The following MTAP variants were observed in gnomAD, a reference collection of about 807,000 sequenced individuals.
The protein encoded by MTAP is methylthioadenosine phosphorylase.
Under a neutral mutation model 33.6 loss-of-function variants are expected in MTAP, and 33 were observed. That is an observed-to-expected ratio of 0.98 (90% CI 0.74 to 1.31). The LOEUF is 1.31. Among genes scored for constraint, MTAP ranks in the 40% most tolerant of loss-of-function variants. The probability of loss-of-function intolerance (pLI) is 0.00; values close to 1 mark genes in which losing one functional copy is unlikely to be tolerated. For synonymous variants in MTAP, 148 were observed against 125.7 expected (o/e 1.18, Z -1.19); for missense variants, 367 against 360.0 (o/e 1.02, Z -0.16).
Position 21,922,020 on chromosome 9 carries a change from G to A in MTAP, c.148-8988G>A, listed in dbSNP as rs1196971523. 6.6e-6 allele frequency among the ~76,000 whole-genome samples: 1 copy of A among 152,048 alleles called. No individual in the cohort carries two copies. Among genetic ancestry groups the A allele is most frequent in the African/African-American group, 2.4e-5 (1 of 41,398 alleles). On this transcript the variant is annotated intron_variant, in intron 1 of 1. Coordinates refer to the MTAP transcript ENST00000577563. This position sits in a 1 kb window ranked among gnomAD's most constrained non-coding sequence, Gnocchi z 4.8. ...AGTCTTTTTAAAATAATAATTGGTT[G>A]CAGTCAGTGCCAGAGAAAGGCAGTC...
At chr9:21,915,084 C>CCTTT (rs1554649256) in intron 1 of MTAP, among the ~76,000 whole-genome samples, 3 of 72,408 alleles carry the variant, frequency 4.1e-5, no homozygotes, top group Non-Finnish European at 6.7e-5. Context: ...TTCTTTCTTT[C>CCTTT]CTTTCTTTCT....
rs1295350372 is a variant in MTAP, at chr9:21,859,292, T to C, written c.691-11T>C. The C allele has an allele frequency of 6.2e-7, 1 of 1,602,324 alleles. No homozygotes were observed. Among genetic ancestry groups the C allele is most frequent in the Non-Finnish European group, 8.5e-7 (1 of 1,176,662 alleles). ...AAGTTCTAGTAACCTCCAGTGCTATTGTTTCTCTAGGTTTCGGTGGACCGG... is the reference window on the plus strand; with the variant it reads ...AAGTTCTAGTAACCTCCAGTGCTATCGTTTCTCTAGGTTTCGGTGGACCGG... On this transcript the variant is annotated splice_polypyrimidine_tract_variant and intron_variant, in intron 6 of 7. Transcript: ENST00000644715.
intron 1 of MTAP, among the ~76,000 whole-genome samples, chr9:21,929,043 G>GAAGGT (rs1034105648): frequency 6.6e-6 from 1 of 152,020 alleles, no homozygotes; most frequent in Non-Finnish European, 1.5e-5. Flanking sequence ...TTAAAGCTTG[G>GAAGGT]AAGGTTGAAA....
intron 4 of MTAP, among the ~76,000 whole-genome samples, chr9:21,823,265 A>G (rs1036002840): frequency 6.6e-6 from 1 of 152,014 alleles, no homozygotes; most frequent in Non-Finnish European, 1.5e-5. Flanking sequence ...AGTGGCTGGT[A>G]CCAGTTGTTC....
chr9:21,840,331 G>A (rs760012833), intron 5 of MTAP, among the ~76,000 whole-genome samples: 2 of 152,172 alleles, frequency 1.3e-5, no homozygotes, highest in African/African-American at 2.4e-5. Context: ...ACCACTGTAG[G>A]AACTTACCGG....
chr9:21,864,494 A>C lies in MTAP; in HGVS notation c.*2480A>C. 1.0e-6 allele frequency: 1 copy of C among 985,408 alleles called. No homozygotes were observed. The highest frequency in any genetic ancestry group is 1.2e-6 in the Non-Finnish European group (1 of 829,932). The allele number at this position is 985,408 out of a possible 1,614,324, so 61.0% of individuals were successfully genotyped here. ...AGCCCTTAGTGATTAATAGATTTGC[A>C]TGTACATAGAAGTCTTTGTTGGCCT... On this transcript the variant is annotated 3_prime_UTR_variant, in exon 8 of 8. Coordinates refer to ENST00000644715, the MANE Select transcript of MTAP (RefSeq NM_002451.4).
chr9:21,924,426 G>A (rs967311721), intron 1 of MTAP, among the ~76,000 whole-genome samples: 1 of 152,192 alleles, frequency 6.6e-6, no homozygotes, highest in African/African-American at 2.4e-5. Context: ...ACCAGAAAGT[G>A]GAAGCATAAA....
chr9:21,923,441 C>A (rs111505462), intron 1 of MTAP, among the ~76,000 whole-genome samples: 3 of 152,162 alleles, frequency 2.0e-5, no homozygotes, highest in Non-Finnish European at 2.9e-5. Flanking sequence ...TTATCCCAAG[C>A]TCCGAGTTCT....
chr9:21,915,010 TCCTTCCTTCCTTCCTTCCTTCCTTCC>T (rs1818655768), intron 1 of MTAP, among the ~76,000 whole-genome samples: 5 of 74,468 alleles, frequency 6.7e-5, no homozygotes, highest in African/African-American at 4.1e-4. Flanking sequence ...TTTCCTTCCT[TCCTTCCTTCCTTCCTTCCTTCCTTCC>T]TTCCTTCCTT....
At chr9:21,906,370 G>A (rs1475105183) in intron 1 of MTAP, among the ~76,000 whole-genome samples, 2 of 152,116 alleles carry the variant, frequency 1.3e-5, no homozygotes, top group African/African-American at 4.8e-5. Context: ...TCATTGAAAG[G>A]GTTAAACGTC....
At chr9:21,861,745 C>G (rs966941957) in intron 7 of MTAP, 29 of 557,690 alleles carry the variant, frequency 5.2e-5, no homozygotes, top group African/African-American at 7.6e-5. Flanking sequence ...CTGAGATAAG[C>G]ATTATTAACC....
chr9:21,831,754 CTTCT>C (rs1824972248), intron 4 of MTAP, among the ~76,000 whole-genome samples: 2 of 151,512 alleles, frequency 1.3e-5, no homozygotes, highest in Non-Finnish European at 2.9e-5. Context: ...TTTTAATAGT[CTTCT>C]TTATCAGGAA....
intron 1 of MTAP, among the ~76,000 whole-genome samples, chr9:21,895,961 C>A (rs906746990): frequency 6.6e-6 from 1 of 152,186 alleles, no homozygotes; most frequent in Non-Finnish European, 1.5e-5. Flanking sequence ...AATATACATT[C>A]TTCTCAGCAC....
chr9:21,899,000 T>G (rs1159793985), intron 1 of MTAP, among the ~76,000 whole-genome samples: 2 of 151,906 alleles, frequency 1.3e-5, no homozygotes, highest in African/African-American at 4.8e-5. Flanking sequence ...CCATCAACAA[T>G]AGACCTGATA....
intron 1 of MTAP, among the ~76,000 whole-genome samples, chr9:21,914,841 A>C (rs1349703361): frequency 6.6e-6 from 1 of 151,182 alleles, no homozygotes; most frequent in African/African-American, 2.5e-5. Context: ...AATATGGTAA[A>C]TAAAATGGAA....
chr9:21,852,167 C>T (rs1021939206), intron 5 of MTAP, among the ~76,000 whole-genome samples: 1 of 152,194 alleles, frequency 6.6e-6, no homozygotes, highest in African/African-American at 2.4e-5. Flanking sequence ...ATCGTTATGT[C>T]CTCATTTGTA....
chr9:21,858,130 A>C (rs1297800557), intron 6 of MTAP, among the ~76,000 whole-genome samples: 2 of 152,186 alleles, frequency 1.3e-5, no homozygotes, highest in Non-Finnish European at 2.9e-5. Context: ...TTAATTCCAT[A>C]ATATTTTTCT....
chr9:21,915,047 C>CTTTCTTT (rs1818659478), intron 1 of MTAP, among the ~76,000 whole-genome samples: 2 of 62,052 alleles, frequency 3.2e-5, no homozygotes, highest in African/African-American at 1.1e-4. Context: ...TTCCTTCCTT[C>CTTTCTTT]CTTCCTTCCT....
intron 1 of MTAP, among the ~76,000 whole-genome samples, chr9:21,809,377 T>C (rs1349089880): frequency 3.3e-5 from 5 of 151,890 alleles, no homozygotes; most frequent in African/African-American, 1.2e-4. Flanking sequence ...CGGTGGCTCA[T>C]GCCTGTAATC....
Sources: allele counts gnomAD v4.1 joint callset (sites outside exome capture counted in the v4.1 genomes callset), GRCh38; gene constraint gnomAD v4.1.1; non-coding constraint Gnocchi (gnomAD v3.1); transcripts MANE v1.5; gene names NCBI Gene and HGNC (gene_info 2026-07-23, HGNC 2026-07-21).